The following SMIM40 variants were observed in gnomAD, a reference collection of about 807,000 sequenced individuals.
SMIM40 encodes small integral membrane protein 40.
At chr6:33,325,149 C>G (rs911973878) in intron 1 of SMIM40, among the ~76,000 whole-genome samples, 2 of 144,968 alleles carry the variant, frequency 1.4e-5, no homozygotes, top group East Asian at 4.0e-4. Context: ...GGCGGATCAC[C>G]TGAGGTCGGA....
Position 33,325,418 on chromosome 6 carries a change from A to G in SMIM40, c.*40-1388T>C, listed in dbSNP as rs1771108081. ...GCGACAGGGTCTTACTGTGTTGCCC[A>G]GATGGATCTTGAGCTCCTTGCCTCA... On this transcript the variant is annotated intron_variant, in intron 1 of 2. Coordinates refer to ENST00000494082, the MANE Select transcript of SMIM40 (RefSeq NM_001369203.1). Among the ~76,000 whole-genome samples, 4 of 148,122 alleles carry G rather than the reference A, an allele frequency of 2.7e-5. 1 individual carries two copies. The highest frequency in any genetic ancestry group is 6.6e-5 in the Admixed American group (1 of 15,048).
At chr6:33,326,574 T>C (rs1432903443) in intron 1 of SMIM40, among the ~76,000 whole-genome samples, 2 of 149,214 alleles carry the variant, frequency 1.3e-5, no homozygotes, top group African/African-American at 2.6e-5. Context: ...CCTGTAATCC[T>C]ACCACTTTGG....
At chr6:33,324,578 C>CTT (rs530496904) in intron 1 of SMIM40, among the ~76,000 whole-genome samples, 17 of 56,178 alleles carry the variant, frequency 3.0e-4, no homozygotes, top group African/African-American at 8.4e-4. Context: ...TTTCTTTTGT[C>CTT]TTTTTTTTTT....
At chr6:33,328,588 A>G (rs1001790476) in intron 1 of SMIM40, among the ~76,000 whole-genome samples, 1 of 151,972 alleles carries the variant, frequency 6.6e-6, no homozygotes, top group Non-Finnish European at 1.5e-5. Context: ...ATAGGTGCAG[A>G]ATTTAAGACT....
chr6:33,325,119 A>C (rs140813438), intron 1 of SMIM40, among the ~76,000 whole-genome samples: 3,000 of 145,232 alleles, frequency 0.021, 166 homozygotes, highest in African/African-American at 0.078. Context: ...GTAATCCCAG[A>C]ACTTTGGGAG....
chr6:33,324,545 CTTTTTTT>C (rs9280406), intron 1 of SMIM40, among the ~76,000 whole-genome samples: 15 of 103,206 alleles, frequency 1.5e-4, no homozygotes, highest in East Asian at 2.9e-4. Flanking sequence ...ACCACCTTTT[CTTTTTTT>C]TTTTTTTTTT....
chr6:33,327,870 A>AAAAAC, intron 1 of SMIM40, among the ~76,000 whole-genome samples: 1 of 150,204 alleles, frequency 6.7e-6, no homozygotes, highest in African/African-American at 2.4e-5. Context: ...ACAAAAAAAA[A>AAAAAC]AAAAAAAAAA....
At chr6:33,324,391 GAA>G (rs35963214) in intron 1 of SMIM40, among the ~76,000 whole-genome samples, 39 of 137,070 alleles carry the variant, frequency 2.8e-4, no homozygotes, top group East Asian at 6.5e-4. Context: ...ACCCTCTTAA[GAA>G]AAAAAAAAAA....
At chr6:33,325,135 G>A (rs1438915814) in intron 1 of SMIM40, among the ~76,000 whole-genome samples, 2 of 150,300 alleles carry the variant, frequency 1.3e-5, no homozygotes, top group Non-Finnish European at 2.9e-5. Flanking sequence ...GGGAGGCCGA[G>A]GCGGGCGGAT....
At chr6:33,327,586 G>A (rs1771282594) in intron 1 of SMIM40, among the ~76,000 whole-genome samples, 1 of 151,356 alleles carries the variant, frequency 6.6e-6, no homozygotes, top group Admixed American at 6.6e-5. Flanking sequence ...TAGGCTGGGC[G>A]CAGTGGCTCA....
intron 1 of SMIM40, 104 bp downstream of exon 1, chr6:33,328,883 T>C (rs1384509852): frequency 3.1e-6 from 1 of 319,444 alleles, no homozygotes; most frequent in Non-Finnish European, 5.2e-6. Context: ...CAAAACTCCA[T>C]CTCAAAAAAA....
Position 33,329,226 on chromosome 6 carries a change from G to C in SMIM40, c.40C>G (p.Leu14Val), listed in dbSNP as rs1771400208. ...EGDVDEADVF[L>V]AFAQGPSPPR... ...GGGGAGGGACCCTGGGCAAATGCCA[G>C]GAACACATCCGCCTCGTCCACATCA... is the stretch of plus-strand genomic sequence containing the variant. Residue 14 changes from leucine to valine, a missense_variant, in exon 1 of 3, where the codon CTG becomes GTG. Coordinates refer to ENST00000494082, the MANE Select transcript of SMIM40 (RefSeq NM_001369203.1). The C allele has an allele frequency of 2.5e-6, 1 of 398,738 alleles. No homozygotes were observed. Among genetic ancestry groups the C allele is most frequent in the African/African-American group, 2.1e-5 (1 of 48,758 alleles). The allele number at this position is 398,738 out of a possible 1,614,324, so 24.7% of individuals were successfully genotyped here. A position where few individuals can be genotyped will look rare whatever the true frequency, so the allele number is the denominator to read the frequency against.
At chr6:33,327,227 C>T (rs573405338) in intron 1 of SMIM40, among the ~76,000 whole-genome samples, 5 of 148,724 alleles carry the variant, frequency 3.4e-5, no homozygotes, top group South Asian at 4.2e-4. Context: ...TCGAGACCAG[C>T]CTGGCCAATA....
intron 1 of SMIM40, among the ~76,000 whole-genome samples, chr6:33,325,137 C>T (rs182072115): frequency 0.014 from 2,011 of 144,174 alleles, 69 homozygotes; most frequent in African/African-American, 0.054. Flanking sequence ...GAGGCCGAGG[C>T]GGGCGGATCA....
At chr6:33,327,289 G>A (rs755492259) in intron 1 of SMIM40, among the ~76,000 whole-genome samples, 19 of 149,522 alleles carry the variant, frequency 1.3e-4, no homozygotes, top group Non-Finnish European at 2.1e-4. Flanking sequence ...GGGCGTGGTG[G>A]CTCGCGCCTT....
chr6:33,329,127 T>C lies in SMIM40; in HGVS notation c.139A>G (p.Met47Val). The C allele has an allele frequency of 2.5e-6, 1 of 398,800 alleles. No homozygotes were observed. The highest frequency in any genetic ancestry group is 4.4e-6 in the Non-Finnish European group (1 of 226,264). 24.7% of individuals were successfully genotyped at this position (398,800 alleles called of 1,614,324 possible). ...IFLALFLTLL[M>V]LEAAYKLLWL... ...AGCAGCTTATAAGCAGCCTCCAGCA[T>C]CAGCAGTGTCAGGAAGAGGGCCAGG... Residue 47 changes from methionine (M) to valine (V), a missense_variant, in exon 1 of 3, where the codon ATG (methionine) becomes GTG (valine). Physicochemically the swap from Met to Val is conservative, Grantham distance 21. Transcript: ENST00000494082.
chr6:33,325,075 T>A (rs1048629800), intron 1 of SMIM40, among the ~76,000 whole-genome samples: 1 of 150,864 alleles, frequency 6.6e-6, no homozygotes, highest in African/African-American at 2.4e-5. Flanking sequence ...TAAAAAAAGT[T>A]TTTTGTGGAG....
rs1770986384 is a variant in SMIM40 at position 33,324,236 on chromosome 6, A to C, written c.*40-206T>G. On this transcript the variant is annotated intron_variant, in intron 1 of 2. Transcript: ENST00000494082. ...AAGTCTACAGCTTTCAAAATGGGGAACATAAAAACTCTCCGCGAGGACTGG... is the reference window on the plus strand; with the variant it reads ...AAGTCTACAGCTTTCAAAATGGGGACCATAAAAACTCTCCGCGAGGACTGG... 2.0e-5 allele frequency among the ~76,000 whole-genome samples: 3 copies of C among 152,160 alleles called. No individual in the cohort carries two copies. In the South Asian group the frequency reaches 6.2e-4, roughly 32 times the overall value.
At chr6:33,324,882 C>CAGAAA (rs1771058721) in intron 1 of SMIM40, among the ~76,000 whole-genome samples, 1 of 47,230 alleles carries the variant, frequency 2.1e-5, no homozygotes, top group Non-Finnish European at 3.7e-5. Context: ...GAGATTATCT[C>CAGAAA]AAAAAAAAAA....
Sources: gnomAD v4.1 joint callset for allele counts (sites outside exome capture counted in the v4.1 genomes callset) on GRCh38, gnomAD v4.1.1 for gene constraint, MANE v1.5 for transcripts, NCBI Gene and HGNC (gene_info 2026-07-23, HGNC 2026-07-21) for gene names.